The following GRAMD2A variants were observed in gnomAD, a reference collection of about 807,000 sequenced individuals.
The protein encoded by GRAMD2A is GRAM domain containing 2A.
In GRAMD2A, 37 loss-of-function variants were observed where a neutral mutation model predicts 51.1. The ratio of observed to expected loss-of-function variants is 0.72; its 90% CI spans 0.56 to 0.95. GRAMD2A has a LOEUF of 0.95. Among genes scored for constraint, GRAMD2A ranks in the 40% least tolerant of loss-of-function variants. The probability of loss-of-function intolerance (pLI) is 0.00; values close to 1 mark genes in which losing one functional copy is unlikely to be tolerated. For synonymous variants in GRAMD2A, 136 were observed against 157.1 expected (o/e 0.87, Z 1.01); for missense variants, 414 against 426.9 (o/e 0.97, Z 0.27).
At position 72,167,209 on chromosome 15, in the gene GRAMD2A, C is replaced by T. The variant is rs878904262; in HGVS notation, c.373-117G>A. ...TGGCCACCATGGGGAAGCCTGGCCCCATGTGGGGAAGTCTCTGAACCTTCT... is the reference window on the plus strand; with the variant it reads ...TGGCCACCATGGGGAAGCCTGGCCCTATGTGGGGAAGTCTCTGAACCTTCT... On this transcript the variant is annotated intron_variant, in intron 5 of 11. Coordinates refer to ENST00000309731, the MANE Select transcript of GRAMD2A (RefSeq NM_001012642.3). The T allele has an allele frequency of 6.6e-6, 5 of 760,154 alleles. No homozygotes were observed. In the Admixed American group the frequency reaches 1.0e-4, roughly 15 times the overall value. 47.1% of individuals were successfully genotyped at this position (760,154 alleles called of 1,614,324 possible).
chr15:72,193,545 C>T (rs1293796561), intron 1 of GRAMD2A, among the ~76,000 whole-genome samples: 8 of 139,458 alleles, frequency 5.7e-5, no homozygotes, highest in East Asian at 2.2e-4. Context: ...TTTTTCGAGA[C>T]GCAGTCTTGC....
chr15:72,187,522 T>C (rs1220787163), intron 1 of GRAMD2A, among the ~76,000 whole-genome samples: 2 of 151,604 alleles, frequency 1.3e-5, no homozygotes, highest in African/African-American at 2.4e-5. Flanking sequence ...ATAAGTTATA[T>C]ATATATTTTG....
intron 1 of GRAMD2A, among the ~76,000 whole-genome samples, chr15:72,182,820 G>T (rs1325021266): frequency 1.3e-5 from 2 of 152,102 alleles, no homozygotes; most frequent in Non-Finnish European, 1.5e-5. Context: ...TTGTTCTTTG[G>T]GTATAGAGTT....
intron 1 of GRAMD2A, among the ~76,000 whole-genome samples, chr15:72,180,510 C>A (rs546073025): frequency 2.0e-5 from 3 of 152,264 alleles, no homozygotes; most frequent in African/African-American, 7.2e-5. Context: ...GACGCCCCCA[C>A]TCAGGGCTGC....
chr15:72,194,476 G>A (rs143733536), intron 1 of GRAMD2A, among the ~76,000 whole-genome samples: 1 of 152,212 alleles, frequency 6.6e-6, no homozygotes, highest in African/African-American at 2.4e-5. Flanking sequence ...CTTAGCAAGA[G>A]GGCATGCTTA....
At chr15:72,167,585 T>A (rs1318269408) in intron 5 of GRAMD2A, 151 bp downstream of exon 5, 1 of 666,492 alleles carries the variant, frequency 1.5e-6, no homozygotes, top group Admixed American at 2.7e-5. Context: ...GGACACTGGA[T>A]GGGATGCCTC....
intron 1 of GRAMD2A, among the ~76,000 whole-genome samples, chr15:72,192,912 G>C (rs2140562027): frequency 6.6e-6 from 1 of 152,206 alleles, no homozygotes; most frequent in South Asian, 2.1e-4. Context: ...ATCACCTGAG[G>C]TCAGGAGTTC....
At chr15:72,175,130 C>T (rs2081643530) in intron 1 of GRAMD2A, among the ~76,000 whole-genome samples, 1 of 152,142 alleles carries the variant, frequency 6.6e-6, no homozygotes, top group African/African-American at 2.4e-5. Flanking sequence ...GAATACTCCA[C>T]TCATTCTTCT....
chr15:72,167,007 TTGG>T lies in GRAMD2A; in HGVS notation c.455_457del (p.Thr152del). The T allele has an allele frequency of 6.2e-7, 1 of 1,613,658 alleles. No individual in the cohort carries two copies. The highest frequency in any genetic ancestry group is 8.5e-7 in the Non-Finnish European group (1 of 1,179,646). ...CAGTGCACTGACCTTCTGGCTGGTG[TTGG>T]TGGTGATGGCCAGTCCATTGGGAAG... On this transcript the variant is annotated inframe_deletion, in exon 6 of 12. Coordinates refer to ENST00000309731, the MANE Select transcript of GRAMD2A (RefSeq NM_001012642.3).
intron 1 of GRAMD2A, among the ~76,000 whole-genome samples, chr15:72,183,649 G>A (rs538412936): frequency 6.6e-6 from 1 of 152,188 alleles, no homozygotes; most frequent in Non-Finnish European, 1.5e-5. Context: ...GGCCAACATG[G>A]TGAAATCCTG....
At chr15:72,184,372 C>G (rs567477567) in intron 1 of GRAMD2A, among the ~76,000 whole-genome samples, 1 of 152,254 alleles carries the variant, frequency 6.6e-6, no homozygotes, top group African/African-American at 2.4e-5. Context: ...CCCGGCTGGC[C>G]CCAGCTGACC....
At chr15:72,167,972 G>C in intron 4 of GRAMD2A, 133 bp from the exon 5 acceptor site, 2 of 680,228 alleles carry the variant, frequency 2.9e-6, no homozygotes, top group South Asian at 3.4e-5. Flanking sequence ...CTTCCCCACC[G>C]CAGGCCCCAA....
chr15:72,191,942 TA>T (rs2081770789), intron 1 of GRAMD2A, among the ~76,000 whole-genome samples: 1 of 152,278 alleles, frequency 6.6e-6, no homozygotes, highest in African/African-American at 2.4e-5. Context: ...GAATCCTTAT[TA>T]AATGGTACAA....
Position 72,163,665 on chromosome 15 carries a change from T to A in GRAMD2A, c.693A>T (p.Ser231=). The change falls in exon 9 of 12, where the codon TCA becomes TCT. Residue 231 remains serine (S), a synonymous_variant. Coordinates refer to ENST00000309731, the MANE Select transcript of GRAMD2A (RefSeq NM_001012642.3). The stretch of plus-strand genomic sequence containing the variant: ...AGAAACTGTCTGTGGAGTCCACGGA[T>A]GATGGAGGGATACAAGGGATGTTGT... ...LPDNIPCIPP[S]SVDSTDSFFP... is the part of the protein sequence containing the mutation. 1 of 1,609,472 alleles carries A rather than the reference T, an allele frequency of 6.2e-7. No individual in the cohort carries two copies. Among genetic ancestry groups the A allele is most frequent in the South Asian group, 1.1e-5 (1 of 89,958 alleles).
intron 10 of GRAMD2A, 119 bp from the exon 11 acceptor site, chr15:72,162,496 T>C (rs1250652541): frequency 1.5e-6 from 1 of 688,750 alleles, no homozygotes; most frequent in Non-Finnish European, 2.5e-6. Flanking sequence ...AAAGAGCCCT[T>C]TGTCCTGCAG....
In GRAMD2A at chr15:72,165,408, A is replaced by C; in HGVS notation, c.546T>G (p.Pro182=). 1 of 1,614,034 alleles carries C rather than the reference A, an allele frequency of 6.2e-7. No homozygotes were observed. The highest frequency in any genetic ancestry group is 8.5e-7 in the Non-Finnish European group (1 of 1,179,958). ...TTACACTCAGACTCTTCTTGCTGGAAGGCTGAGGAGGAAAGGGAACAGCAG... is the reference window on the plus strand; with the variant it reads ...TTACACTCAGACTCTTCTTGCTGGACGGCTGAGGAGGAAAGGGAACAGCAG... ...LLRRVCTHLQ[P]SSKKSLSVRE... The change falls in exon 8 of 12, where the codon CCT becomes CCG. Residue 182 remains proline, a splice_region_variant and synonymous_variant. Coordinates refer to ENST00000309731, the MANE Select transcript of GRAMD2A (RefSeq NM_001012642.3).
chr15:72,169,622 G>A (rs1392049742), intron 2 of GRAMD2A: 5 of 690,500 alleles, frequency 7.2e-6, no homozygotes, highest in Non-Finnish European at 1.3e-5. Context: ...CAGGTGAGCA[G>A]GGAGGAGGCT....
rs541363838 is a variant in GRAMD2A, at chr15:72,166,780, T to C, written c.472-77A>G. 35 of 1,303,474 alleles carry C rather than the reference T, an allele frequency of 2.7e-5. 1 individual carries two copies. Among genetic ancestry groups the C allele is most frequent in the East Asian group, 1.6e-4 (7 of 43,296 alleles). The allele number at this position is 1,303,474 out of a possible 1,614,324, so 80.7% of individuals were successfully genotyped here. On this transcript the variant is annotated intron_variant, in intron 6 of 11. Transcript: ENST00000309731. The surrounding 1 kb of genome is among the most constrained non-coding windows in gnomAD (Gnocchi z 4.1). ...CTGTGCCAGCCAGCCCCCTTGTGGA[T>C]TGGGCACAGGCCCACAGGGGTATCA...
intron 8 of GRAMD2A, 128 bp downstream of exon 8, chr15:72,165,226 A>G: frequency 2.5e-6 from 2 of 794,010 alleles, no homozygotes; most frequent in East Asian, 4.9e-5. Context: ...GCCCTGGCAT[A>G]GCATGGCCAC....
Sources: allele counts gnomAD v4.1 joint callset (sites outside exome capture counted in the v4.1 genomes callset), GRCh38; gene constraint gnomAD v4.1.1; non-coding constraint Gnocchi (gnomAD v3.1); transcripts MANE v1.5; gene names NCBI Gene and HGNC (gene_info 2026-07-23, HGNC 2026-07-21).